Variants in IL7 observed in about 807,000 individuals in gnomAD.
IL7 encodes the protein interleukin-7.
IL7 carries 3 observed loss-of-function variants against 21.6 expected under a neutral mutation model. The observed-to-expected ratio is 0.14, with a 90% CI of 0.06 to 0.36. IL7 has a LOEUF of 0.36. Among genes scored for constraint, IL7 ranks in the 10% least tolerant of loss-of-function variants. The probability of loss-of-function intolerance (pLI) is 1.00; values close to 1 mark genes in which losing one functional copy is unlikely to be tolerated. For synonymous variants in IL7, 62 were observed against 68.1 expected (o/e 0.91, Z 0.44); for missense variants, 175 against 200.2 (o/e 0.87, Z 0.76).
At chr8:78,760,971 GAAC>G (rs1451961764) in intron 2 of IL7, 5 of 1,578,628 alleles carry the variant, frequency 3.2e-6, no homozygotes, top group South Asian at 2.3e-5. Flanking sequence ...ACATTTTTAA[GAAC>G]AACAATAGTA....
At chr8:78,765,471 T>A (rs556857934) in intron 2 of IL7, among the ~76,000 whole-genome samples, 1 of 152,198 alleles carries the variant, frequency 6.6e-6, no homozygotes, top group South Asian at 2.1e-4. Flanking sequence ...TACAGAACTC[T>A]TAAAAATCTA....
At chr8:78,752,110 T>C (rs1812192822) in intron 2 of IL7, among the ~76,000 whole-genome samples, 1 of 152,206 alleles carries the variant, frequency 6.6e-6, no homozygotes, top group Non-Finnish European at 1.5e-5. Flanking sequence ...TTTCATACTT[T>C]TTTTATACCT....
intron 2 of IL7, among the ~76,000 whole-genome samples, chr8:78,769,633 C>A (rs1239071421): frequency 3.3e-5 from 5 of 152,038 alleles, no homozygotes; most frequent in Admixed American, 1.3e-4. Context: ...AGATTCAATG[C>A]CATCCCCATC....
chr8:78,760,100 T>A, intron 2 of IL7: 1 of 1,482,674 alleles, frequency 6.7e-7, no homozygotes. Context: ...CGGCTTTTAC[T>A]TCCAAATATC....
chr8:78,729,267 G>A (rs1222539404), downstream of IL7, among the ~76,000 whole-genome samples: 3 of 151,860 alleles, frequency 2.0e-5, no homozygotes, highest in Non-Finnish European at 4.4e-5. Flanking sequence ...CTTTTCTAGG[G>A]TATATGCTCC....
In IL7 at chr8:78,681,604, T is replaced by C. The variant is rs1482171749; in HGVS notation, n.273+4285A>G. On this transcript the variant is annotated intron_variant and non_coding_transcript_variant, in intron 4 of 4. Coordinates refer to the IL7 transcript ENST00000523959. ...GTTGTTTTCTATTCCCTGAAAGAGT[T>C]TGTGTAATATTGATGCTAGATTTTT... Among the ~76,000 whole-genome samples the C allele has an allele frequency of 2.0e-5, 3 of 152,270 alleles. No homozygotes were observed. In the East Asian group the frequency reaches 5.8e-4, roughly 29 times the overall value.
intron 2 of IL7, among the ~76,000 whole-genome samples, chr8:78,753,812 C>T (rs887144409): frequency 2.6e-5 from 4 of 152,086 alleles, no homozygotes; most frequent in Non-Finnish European, 4.4e-5. Context: ...GTTTTCCCAG[C>T]GCCATTTATT....
At chr8:78,760,446 T>C in intron 2 of IL7, 1 of 1,574,616 alleles carries the variant, frequency 6.4e-7, no homozygotes, top group Non-Finnish European at 8.6e-7. Context: ...TCATAGATGG[T>C]GGACGGAAGC....
downstream of IL7, among the ~76,000 whole-genome samples, chr8:78,728,428 C>A (rs911293721): frequency 6.6e-6 from 1 of 151,936 alleles, no homozygotes; most frequent in African/African-American, 2.4e-5. Context: ...ATACATAGAT[C>A]ATCAGAACAG....
intron 2 of IL7, among the ~76,000 whole-genome samples, chr8:78,743,623 G>A (rs904070599): frequency 6.6e-6 from 1 of 152,082 alleles, no homozygotes; most frequent in Non-Finnish European, 1.5e-5. Flanking sequence ...GCCCTATCAG[G>A]AGGATTAAGT....
intron 3 of IL7, among the ~76,000 whole-genome samples, chr8:78,687,002 TA>T (rs547701119): frequency 7.9e-5 from 12 of 151,992 alleles, no homozygotes; most frequent in Non-Finnish European, 1.5e-4. Flanking sequence ...GAGATTGATA[TA>T]AAAAAAATCA....
At chr8:78,717,287 G>A, downstream of IL7, 2 of 1,577,034 alleles carry the variant, frequency 1.3e-6, no homozygotes, top group African/African-American at 1.4e-5. Context: ...GAAAACTACT[G>A]ATACAAACTT....
chr8:78,791,504 G>T (rs1001019145), intron 2 of IL7, among the ~76,000 whole-genome samples: 1 of 152,106 alleles, frequency 6.6e-6, no homozygotes, highest in Non-Finnish European at 1.5e-5. Context: ...GCTGGGTGTG[G>T]TGGCACATGC....
intron 3 of IL7, among the ~76,000 whole-genome samples, chr8:78,708,919 G>T (rs1292666664): frequency 6.6e-6 from 1 of 151,936 alleles, no homozygotes; most frequent in Non-Finnish European, 1.5e-5. Flanking sequence ...ATCCACCTCG[G>T]TTTCCCAAAT....
chr8:78,712,023 G>A (rs757897642), intron 3 of IL7: 27 of 1,289,506 alleles, frequency 2.1e-5, no homozygotes, highest in Admixed American at 1.4e-4. Flanking sequence ...CACTTCGAAC[G>A]GGAAGACTTG....
At chr8:78,773,150 C>T (rs567618279) in intron 2 of IL7, among the ~76,000 whole-genome samples, 28 of 152,228 alleles carry the variant, frequency 1.8e-4, no homozygotes, top group African/African-American at 6.3e-4. Context: ...TTACAAAGCA[C>T]GGACCAGTCC....
intron 3 of IL7, among the ~76,000 whole-genome samples, chr8:78,692,960 C>G (rs940502945): frequency 6.6e-6 from 1 of 152,036 alleles, no homozygotes; most frequent in Non-Finnish European, 1.5e-5. Flanking sequence ...CAATTCCCAC[C>G]TATGAGTGAG....
downstream of IL7, among the ~76,000 whole-genome samples, chr8:78,728,578 GA>G (rs1180862900): frequency 6.6e-6 from 1 of 151,992 alleles, no homozygotes; most frequent in Non-Finnish European, 1.5e-5. Context: ...TGCATAAAAT[GA>G]AACTTGATAC....
chr8:78,703,470 C>T (rs956569449), intron 3 of IL7, among the ~76,000 whole-genome samples: 1 of 151,160 alleles, frequency 6.6e-6, no homozygotes, highest in African/African-American at 2.4e-5. Flanking sequence ...GTGTTGGGTA[C>T]ATTTGTATTT....
Sources: allele counts gnomAD v4.1 joint callset (sites outside exome capture counted in the v4.1 genomes callset), GRCh38; gene constraint gnomAD v4.1.1; transcripts MANE v1.5; gene names NCBI Gene and HGNC (gene_info 2026-07-23, HGNC 2026-07-21).